PPP2R5C: variants seen among roughly 807,000 people sequenced by gnomAD.
The protein encoded by PPP2R5C is serine/threonine-protein phosphatase 2A 56 kDa regulatory subunit gamma isoform.
In PPP2R5C, 7 loss-of-function variants were observed where a neutral mutation model predicts 68.9. The observed-to-expected ratio is 0.10, with a 90% CI of 0.06 to 0.19. The LOEUF (loss-of-function observed/expected upper bound fraction) is 0.19, where lower values mean the gene tolerates loss of function less well. Ranked by LOEUF, PPP2R5C falls within the 10% of genes least tolerant of loss-of-function variation. The probability of loss-of-function intolerance (pLI) is 1.00; values close to 1 mark genes in which losing one functional copy is unlikely to be tolerated. For synonymous variants in PPP2R5C, 210 were observed against 222.2 expected (o/e 0.95, Z 0.49); for missense variants, 348 against 641.3 (o/e 0.54, Z 4.94).
At chr14:101,813,961 A>ATTCTT (rs2039513653) in intron 1 of PPP2R5C, among the ~76,000 whole-genome samples, 1 of 152,230 alleles carries the variant, frequency 6.6e-6, no homozygotes, top group Non-Finnish European at 1.5e-5. Context: ...ACATGCAAGA[A>ATTCTT]GCAAGCACAG....
Position 101,882,472 on chromosome 14 carries a change from G to A in PPP2R5C, c.405+201G>A. On this transcript the variant is annotated intron_variant, in intron 3 of 13. Coordinates refer to ENST00000334743, the Ensembl canonical transcript of PPP2R5C. The surrounding 1 kb of genome is among the most constrained non-coding windows in gnomAD (Gnocchi z 4.9). ...GTTTGACCACTTTACAACAGCCAGT[G>A]AAGATGTGTAATTGTGAGTATGTTC... 2.2e-6 allele frequency: 1 copy of A among 448,526 alleles called. No individual in the cohort carries two copies. Among genetic ancestry groups the A allele is most frequent in the Non-Finnish European group, 4.0e-6 (1 of 251,116 alleles). The allele number at this position is 448,526 out of a possible 1,614,324, so 27.8% of individuals were successfully genotyped here.
intron 13 of PPP2R5C, among the ~76,000 whole-genome samples, chr14:101,924,587 C>T (rs1393192829): frequency 5.3e-5 from 8 of 151,640 alleles, no homozygotes; most frequent in African/African-American, 1.7e-4. Flanking sequence ...GGATTACAGG[C>T]GCGCGCCACT....
intron 2 of PPP2R5C, chr14:101,766,923 G>A (rs1411787484): frequency 1.3e-5 from 2 of 152,218 alleles, no homozygotes; most frequent in Non-Finnish European, 2.9e-5. Flanking sequence ...CAGACCATAG[G>A]TGGGTGTTGT....
At chr14:101,896,715 G>GT (rs567574471) in intron 8 of PPP2R5C, among the ~76,000 whole-genome samples, 24 of 150,204 alleles carry the variant, frequency 1.6e-4, no homozygotes, top group Middle Eastern at 3.2e-3. Flanking sequence ...TTACATTGGA[G>GT]TTTTTTTTTA....
intron 2 of PPP2R5C, among the ~76,000 whole-genome samples, chr14:101,772,268 A>C (rs2139978061): frequency 6.6e-6 from 1 of 152,156 alleles, no homozygotes; most frequent in East Asian, 1.9e-4. Context: ...GAGGGCAAGA[A>C]GAAGAGGGAA....
intron 8 of PPP2R5C, among the ~76,000 whole-genome samples, chr14:101,896,696 G>T (rs2045358223): frequency 6.8e-6 from 1 of 146,002 alleles, no homozygotes; most frequent in South Asian, 2.2e-4. Flanking sequence ...TAAATCCATT[G>T]CCCATTTTTT....
intron 11 of PPP2R5C, among the ~76,000 whole-genome samples, 160 bp downstream of exon 13, chr14:101,909,850 A>G (rs748111968): frequency 1.3e-5 from 2 of 152,240 alleles, no homozygotes; most frequent in African/African-American, 4.8e-5. Context: ...ATAATAACGT[A>G]TTTTGAAAGA....
chr14:101,904,674 C>A (rs2045923469), intron 9 of PPP2R5C, among the ~76,000 whole-genome samples: 1 of 152,216 alleles, frequency 6.6e-6, no homozygotes, highest in Non-Finnish European at 1.5e-5. Context: ...ACCTGCCATT[C>A]TCTCAGCATC....
At chr14:101,812,125 T>G (rs544053207) in intron 1 of PPP2R5C, among the ~76,000 whole-genome samples, 4 of 152,228 alleles carry the variant, frequency 2.6e-5, no homozygotes, top group African/African-American at 9.7e-5. Flanking sequence ...AGCATGTTAA[T>G]GTGAGATTTA....
chr14:101,768,053 A>G (rs1208124622), intron 2 of PPP2R5C, among the ~76,000 whole-genome samples: 4 of 152,222 alleles, frequency 2.6e-5, no homozygotes, highest in Non-Finnish European at 5.9e-5. Flanking sequence ...GGGGCTGCCC[A>G]GTGGTCCTCT....
chr14:101,837,206 C>T (rs1176691374), intron 1 of PPP2R5C, among the ~76,000 whole-genome samples: 1 of 152,050 alleles, frequency 6.6e-6, no homozygotes, highest in Non-Finnish European at 1.5e-5. Flanking sequence ...TGCAGTGGTG[C>T]GATCTCGGCT....
At chr14:101,804,641 A>G (rs1314415325) in intron 3 of PPP2R5C, among the ~76,000 whole-genome samples, 1 of 152,188 alleles carries the variant, frequency 6.6e-6, no homozygotes, top group Non-Finnish European at 1.5e-5. Flanking sequence ...ACATGTTCTC[A>G]CATATTCATG....
chr14:101,799,565 A>G (rs1307112361), intron 3 of PPP2R5C, among the ~76,000 whole-genome samples: 1 of 152,186 alleles, frequency 6.6e-6, no homozygotes, highest in African/African-American at 2.4e-5. Flanking sequence ...TGCGAGTGAC[A>G]TGGTTGCATT....
chr14:101,775,752 C>T (rs1010292046), intron 2 of PPP2R5C, among the ~76,000 whole-genome samples: 2 of 152,176 alleles, frequency 1.3e-5, no homozygotes, highest in African/African-American at 2.4e-5. Context: ...TGAACTCCTG[C>T]ATAATTTCAA....
intron 2 of PPP2R5C, among the ~76,000 whole-genome samples, chr14:101,773,138 G>A (rs948282040): frequency 3.3e-5 from 5 of 152,188 alleles, no homozygotes; most frequent in South Asian, 2.1e-4. Flanking sequence ...GCACCATTGC[G>A]GGTGCAGAGT....
intron 5 of PPP2R5C, 23 bp downstream of exon 7, chr14:101,883,585 T>A: frequency 6.2e-7 from 1 of 1,609,356 alleles, no homozygotes; most frequent in Non-Finnish European, 8.5e-7. Context: ...TGGATGGCGT[T>A]GTCCTTGTGT....
chr14:101,920,480 C>T (rs2046947228), intron 13 of PPP2R5C, among the ~76,000 whole-genome samples: 1 of 152,204 alleles, frequency 6.6e-6, no homozygotes, highest in African/African-American at 2.4e-5. Context: ...ACCGGGTTTC[C>T]TGTGTGACTG....
intron 1 of PPP2R5C, among the ~76,000 whole-genome samples, chr14:101,817,616 G>T (rs911057792): frequency 6.6e-6 from 1 of 152,056 alleles, no homozygotes; most frequent in Non-Finnish European, 1.5e-5. Context: ...AGTTTCCTCC[G>T]CACTTTAAGA....
At chr14:101,921,789 T>G (rs931579447) in intron 13 of PPP2R5C, among the ~76,000 whole-genome samples, 3 of 152,152 alleles carry the variant, frequency 2.0e-5, no homozygotes, top group Non-Finnish European at 4.4e-5. Context: ...GGAAGCAGGC[T>G]CTGATGCTGA....
Sources: allele counts gnomAD v4.1 joint callset (sites outside exome capture counted in the v4.1 genomes callset), GRCh38; gene constraint gnomAD v4.1.1; non-coding constraint Gnocchi (gnomAD v3.1); transcripts MANE v1.5; gene names NCBI Gene and HGNC (gene_info 2026-07-23, HGNC 2026-07-21).